Variants in GRSF1 observed in about 807,000 individuals in gnomAD.
GRSF1 encodes the protein G-rich sequence factor 1.
GRSF1 carries 50 observed loss-of-function variants against 51.1 expected under a neutral mutation model. The ratio of observed to expected loss-of-function variants is 0.98; its 90% CI spans 0.78 to 1.24. The LOEUF (loss-of-function observed/expected upper bound fraction) is 1.24. Among genes scored for constraint, GRSF1 ranks in the 50% most tolerant of loss-of-function variants. The pLI, the probability that GRSF1 is intolerant of heterozygous loss-of-function variation, is 0.00. For missense variants in GRSF1, 700 were observed against 639.7 expected (o/e 1.09, Z -1.02); for synonymous variants, 293 against 253.3 (o/e 1.16, Z -1.49).
At chr4:70,831,893 T>C (rs1733987252) in intron 4 of GRSF1, among the ~76,000 whole-genome samples, 2 of 137,884 alleles carry the variant, frequency 1.5e-5, no homozygotes, top group African/African-American at 2.7e-5. Context: ...ACCCAAAACA[T>C]ACAATTCTCC....
At position 70,836,201 on chromosome 4, in the gene GRSF1, C is replaced by T. The variant is rs371853062; in HGVS notation, c.471G>A (p.Leu157=). 6.2e-7 allele frequency: 1 copy of T among 1,605,986 alleles called. No individual in the cohort carries two copies. The highest frequency in any genetic ancestry group is 1.3e-5 in the African/African-American group (1 of 74,508). ...CATCTTCCATAGTGCATGACCAGGGCAGTCCTTGAGCTCGAATGAGAAAGA... is the reference window on the plus strand; with the variant it reads ...CATCTTCCATAGTGCATGACCAGGGTAGTCCTTGAGCTCGAATGAGAAAGA... The part of the protein sequence containing the change: ...DDVFLIRAQG[L]PWSCTMEDVL... Residue 157 remains leucine, a synonymous_variant, in exon 2 of 10, where the codon CTG becomes CTA. Coordinates refer to ENST00000254799, the MANE Select transcript of GRSF1 (RefSeq NM_002092.4).
rs1306455387 is a variant in GRSF1 at position 70,826,162 on chromosome 4, C to A, written c.1219G>T (p.Gly407Ter). The part of the protein sequence containing the change: ...TSSLHFVHMR[G>*]LPFQANAQDI... ...TGGGCATTGGCTTGGAAAGGTAATC[C>A]TCTCATGTGGACAAAATGCAGAGAA... Residue 407 changes from glycine to a stop codon, truncating the protein, a stop_gained, in exon 7 of 10, where the codon GGA becomes TGA. Coordinates refer to ENST00000254799, the MANE Select transcript of GRSF1 (RefSeq NM_002092.4). LOFTEE classifies it high-confidence loss of function. 1.2e-6 allele frequency: 2 copies of A among 1,611,410 alleles called. No individual in the cohort carries two copies. Among genetic ancestry groups the A allele is most frequent in the East Asian group, 4.5e-5 (2 of 44,848 alleles).
At chr4:70,835,731 G>C (rs1404870789) in intron 2 of GRSF1, among the ~76,000 whole-genome samples, 2 of 152,110 alleles carry the variant, frequency 1.3e-5, no homozygotes, top group Non-Finnish European at 2.9e-5. Flanking sequence ...GTGAGCCACT[G>C]CGCCTGGCCC....
chr4:70,821,593 G>C (rs1430364010), intron 9 of GRSF1, among the ~76,000 whole-genome samples: 2 of 143,972 alleles, frequency 1.4e-5, no homozygotes, highest in African/African-American at 5.2e-5. Context: ...GCGACAGAGA[G>C]AGACTCCGTC....
At chr4:70,836,112 A>G in intron 2 of GRSF1, 46 bp downstream of exon 2, 1 of 1,152,242 alleles carries the variant, frequency 8.7e-7, no homozygotes, top group Non-Finnish European at 1.2e-6. Flanking sequence ...TGTGAGAAAC[A>G]ATATAAGGAA....
At chr4:70,840,746 G>A (rs551323271), upstream of GRSF1, among the ~76,000 whole-genome samples, 2 of 152,090 alleles carry the variant, frequency 1.3e-5, no homozygotes, top group African/African-American at 2.4e-5. Context: ...CTGGGCGACA[G>A]AGTGAGACGC....
intron 4 of GRSF1, 26 bp from the exon 5 acceptor site, chr4:70,831,700 T>C (rs1351433437): frequency 1.3e-6 from 2 of 1,585,756 alleles, no homozygotes; most frequent in Non-Finnish European, 1.7e-6. Context: ...ATTTTAATGC[T>C]ACTAGCAGGC....
intron 5 of GRSF1, among the ~76,000 whole-genome samples, chr4:70,830,283 C>T (rs570297087): frequency 9.9e-5 from 15 of 152,012 alleles, no homozygotes; most frequent in Non-Finnish European, 2.2e-4. Flanking sequence ...CACGCACGCA[C>T]ACACACATAC....
chr4:70,832,486 A>G lies in GRSF1; in HGVS notation c.671-36T>C, dbSNP rs1734022533. ...AAAACCCAACAGGGATGAAAAATTTACATAACAAAGGAACAAACCCATTAA... is the reference window on the plus strand; with the variant it reads ...AAAACCCAACAGGGATGAAAAATTTGCATAACAAAGGAACAAACCCATTAA... On this transcript the variant is annotated intron_variant, in intron 3 of 9. Transcript: ENST00000254799. 2.9e-6 allele frequency: 4 copies of G among 1,373,940 alleles called. 1 individual carries two copies. The South Asian group carries it at 3.6e-5, about 13-fold the overall frequency. The allele number at this position is 1,373,940 out of a possible 1,614,324, so 85.1% of individuals were successfully genotyped here. A position where few individuals can be genotyped will look rare whatever the true frequency, so the allele number is the denominator to read the frequency against.
At chr4:70,833,333 T>A in intron 2 of GRSF1, 60 bp from the exon 3 acceptor site, 1 of 1,451,268 alleles carries the variant, frequency 6.9e-7, no homozygotes, top group Non-Finnish European at 9.6e-7. Context: ...CTCAATTATG[T>A]AAGTCACAAG....
At chr4:70,822,745 T>C (rs1380112922) in intron 9 of GRSF1, among the ~76,000 whole-genome samples, 1 of 152,166 alleles carries the variant, frequency 6.6e-6, no homozygotes, top group Non-Finnish European at 1.5e-5. Context: ...ATGTTGGAAA[T>C]TATGCATAAA....
chr4:70,834,146 C>G (rs549463056), intron 2 of GRSF1, among the ~76,000 whole-genome samples: 1 of 152,234 alleles, frequency 6.6e-6, no homozygotes, highest in East Asian at 1.9e-4. Context: ...GCTGTCCCAC[C>G]AACTCAGGAG....
chr4:70,823,452 T>G (rs191823988), intron 9 of GRSF1, among the ~76,000 whole-genome samples: 69 of 143,250 alleles, frequency 4.8e-4, no homozygotes, highest in Non-Finnish European at 7.2e-4. Context: ...AAAAATATCA[T>G]AATTAATTCT....
chr4:70,822,412 GTCTCTACTAAATA>G (rs1024913950), intron 9 of GRSF1, among the ~76,000 whole-genome samples: 1 of 151,396 alleles, frequency 6.6e-6, no homozygotes, highest in Non-Finnish European at 1.5e-5. Context: ...GTGAAACCCC[GTCTCTACTAAATA>G]TACAAAAATT....
chr4:70,840,053 G>A (rs1187729577), upstream of GRSF1: 3 of 455,696 alleles, frequency 6.6e-6, no homozygotes, highest in African/African-American at 6.3e-5. Context: ...GCTGCCCATG[G>A]TTTGGGCGGG....
chr4:70,821,344 G>A (rs1578290882), intron 9 of GRSF1, among the ~76,000 whole-genome samples: 1 of 152,178 alleles, frequency 6.6e-6, no homozygotes, highest in African/African-American at 2.4e-5. Context: ...AGAATCACTT[G>A]AACCCAGGAG....
chr4:70,828,352 C>T (rs1187374154), intron 5 of GRSF1, among the ~76,000 whole-genome samples: 1 of 152,112 alleles, frequency 6.6e-6, no homozygotes, highest in African/African-American at 2.4e-5. Flanking sequence ...AAAAATTAAT[C>T]TCATAAGGGT....
Position 70,836,300 on chromosome 4 carries a change from A to T in GRSF1, c.372T>A (p.Thr124=), listed in dbSNP as rs980953387. 1.3e-6 allele frequency: 2 copies of T among 1,583,120 alleles called. No homozygotes were observed. The highest frequency in any genetic ancestry group is 1.7e-6 in the Non-Finnish European group (2 of 1,170,504). ...TRSYSQESKT[T]YLEDLPPPPE... ...GGGGTGGTGGAAGGTCTTCCAGGTAAGTAGTTTTGGACTCCTTCCAAAGGA... is the reference window on the plus strand; with the variant it reads ...GGGGTGGTGGAAGGTCTTCCAGGTATGTAGTTTTGGACTCCTTCCAAAGGA... Residue 124 remains threonine, a synonymous_variant, in exon 2 of 10, where the codon ACT becomes ACA. Transcript: ENST00000254799.
In GRSF1 at chr4:70,817,038, TATAA is replaced by T. The variant is rs1020592180; in HGVS notation, c.*3845_*3848del. On this transcript the variant is annotated 3_prime_UTR_variant, in exon 10 of 10. Transcript: ENST00000254799. ...ATGACAACACCCACTAACACTTGCT[TATAA>T]ATAAAGTAAAAGTCACTGCAAGCTT... 6.6e-6 allele frequency: 1 copy of T among 152,202 alleles called. No homozygotes were observed. The highest frequency in any genetic ancestry group is 1.5e-5 in the Non-Finnish European group (1 of 68,048). The allele number at this position is 152,202 out of a possible 1,614,324, so 9.4% of individuals were successfully genotyped here. A position where few individuals can be genotyped will look rare whatever the true frequency, so the allele number is the denominator to read the frequency against.
Sources: allele counts gnomAD v4.1 joint callset (sites outside exome capture counted in the v4.1 genomes callset), GRCh38; gene constraint gnomAD v4.1.1; transcripts MANE v1.5; gene names NCBI Gene and HGNC (gene_info 2026-07-23, HGNC 2026-07-21).